Variants in LATS2 observed in about 807,000 individuals in gnomAD.
The protein encoded by LATS2 is serine/threonine-protein kinase LATS2.
In LATS2, 24 loss-of-function variants were observed where a neutral mutation model predicts 76.0. The ratio of observed to expected loss-of-function variants is 0.32; its 90% confidence interval spans 0.23 to 0.44. The LOEUF is 0.44. Ranked by LOEUF, LATS2 falls within the 20% of genes least tolerant of loss-of-function variation. LATS2 has a pLI of 1.00. For missense variants in LATS2, 1,286 were observed against 1,481.2 expected (o/e 0.87, Z 2.16); for synonymous variants, 692 against 635.4 (o/e 1.09, Z -1.34).
At position 20,993,689 on chromosome 13, in the gene LATS2, A is replaced by G. The variant is rs187925695; in HGVS notation, c.343-2285T>C. Among the ~76,000 whole-genome samples, 165 of 152,270 alleles carry G rather than the reference A, an allele frequency of 1.1e-3. 1 individual carries two copies. Among genetic ancestry groups the G allele is most frequent in the Middle Eastern group, 6.8e-3 (2 of 294 alleles). On this transcript the variant is annotated intron_variant, in intron 2 of 7. Transcript: ENST00000382592. ...TTTACAACCTGGAAGAGTTGCAGAG[A>G]GAAGGCAGCGGTGGTTCAGAAGGGA...
At chr13:21,017,371 T>C (rs942444944) in intron 2 of LATS2, among the ~76,000 whole-genome samples, 9 of 152,086 alleles carry the variant, frequency 5.9e-5, no homozygotes, top group Admixed American at 1.3e-4. Context: ...AATGGGGTCT[T>C]GCTATGTTAC....
chr13:21,002,586 C>T (rs1871100338), intron 2 of LATS2, among the ~76,000 whole-genome samples: 2 of 152,164 alleles, frequency 1.3e-5, no homozygotes, highest in South Asian at 4.2e-4. Context: ...CCATGTTGCC[C>T]AGGATGGTCT....
intron 2 of LATS2, among the ~76,000 whole-genome samples, chr13:21,015,991 G>A (rs1408687197): frequency 1.4e-5 from 2 of 139,986 alleles, no homozygotes; most frequent in South Asian, 2.3e-4. Context: ...GAACCACCAC[G>A]CTTGGCCTAT....
intron 1 of LATS2, among the ~76,000 whole-genome samples, chr13:21,055,831 T>A (rs1391486760): frequency 6.6e-6 from 1 of 152,230 alleles, no homozygotes; most frequent in African/African-American, 2.4e-5. Context: ...AAGCTGAAAC[T>A]AAATCAGGCA....
chr13:21,013,696 C>T lies in LATS2; in HGVS notation c.343-22292G>A, dbSNP rs374636710. On this transcript the variant is annotated intron_variant, in intron 2 of 7. Transcript: ENST00000382592. ...AAAATAAAATAAGGGCCAGGTGCAGCGGCTCGAGCCTGCAATCCCAGCACT... is the reference window on the plus strand; with the variant it reads ...AAAATAAAATAAGGGCCAGGTGCAGTGGCTCGAGCCTGCAATCCCAGCACT... Among the ~76,000 whole-genome samples the T allele has an allele frequency of 5.3e-5, 8 of 152,122 alleles. No homozygotes were observed. In the East Asian group the frequency reaches 7.7e-4, roughly 15 times the overall value.
In LATS2 at chr13:20,974,357, A is replaced by T. The variant is rs1239314965; in HGVS notation, c.*513T>A. On this transcript the variant is annotated 3_prime_UTR_variant, in exon 8 of 8. Transcript: ENST00000382592. The stretch of plus-strand genomic sequence containing the variant: ...TTATATCACAATTTTGAAACATGGG[A>T]AAAAATAAAAAACAAAAACCATTGT... 3 of 227,628 alleles carry T rather than the reference A, an allele frequency of 1.3e-5. No individual in the cohort carries two copies. The highest frequency in any genetic ancestry group is 2.6e-5 in the Non-Finnish European group (3 of 114,840). The allele number at this position is 227,628 out of a possible 1,614,324, so 14.1% of individuals were successfully genotyped here. A position where few individuals can be genotyped will look rare whatever the true frequency, so the allele number is the denominator to read the frequency against.
chr13:21,058,689 C>T (rs1283131606), intron 1 of LATS2, among the ~76,000 whole-genome samples: 7 of 152,184 alleles, frequency 4.6e-5, no homozygotes, highest in African/African-American at 1.7e-4. Context: ...GCAAGACAGG[C>T]TAGCCTCTGC....
At chr13:20,996,818 C>A (rs1870774036) in intron 2 of LATS2, among the ~76,000 whole-genome samples, 1 of 152,208 alleles carries the variant, frequency 6.6e-6, no homozygotes, top group Non-Finnish European at 1.5e-5. Context: ...AAATAAGAGT[C>A]TGACGGGCTC....
At chr13:21,044,293 A>G (rs1360380696) in intron 2 of LATS2, among the ~76,000 whole-genome samples, 6 of 152,226 alleles carry the variant, frequency 3.9e-5, no homozygotes, top group Admixed American at 3.3e-4. Flanking sequence ...GAGGATTGAG[A>G]GTGGTTTTGG....
Position 20,987,338 on chromosome 13 carries a change from ATC to A in LATS2, c.1899+541_1899+542del, listed in dbSNP as rs202048651. 9.9e-3 allele frequency among the ~76,000 whole-genome samples: 1,516 copies of A among 152,366 alleles called. 30 individuals carry two copies. Among genetic ancestry groups the A allele is most frequent in the African/African-American group, 0.035 (1,450 of 41,594 alleles). On this transcript the variant is annotated intron_variant, in intron 4 of 7. Transcript: ENST00000382592. ...GAATTATTGGCTTTGTGTGATTTAA[ATC>A]TGTTACATTTTAATTTAAATAGTTT...
rs1870376332 is a variant in LATS2 at position 20,989,066 on chromosome 13, G to A, written c.714C>T (p.Ser238=). 7 of 1,586,566 alleles carry A rather than the reference G, an allele frequency of 4.4e-6. No individual in the cohort carries two copies. In the East Asian group the frequency reaches 1.6e-4, roughly 36 times the overall value. ...GGAAGTGTGCCCCTGCTGCCTCTAC[G>A]CTGGCACCGTAGCCCTTGGGTGGGT... is the stretch of plus-strand genomic sequence containing the variant. ...HQHPPKGYGA[S]VEAAGAHFPL... is the part of the protein sequence containing the mutation. The change falls in exon 4 of 8, where the codon AGC becomes AGT. Residue 238 remains serine (S), a synonymous_variant. Coordinates refer to ENST00000382592, the MANE Select transcript of LATS2 (RefSeq NM_014572.3).
At chr13:21,039,950 G>A (rs1049296733) in intron 2 of LATS2, among the ~76,000 whole-genome samples, 3 of 152,126 alleles carry the variant, frequency 2.0e-5, no homozygotes, top group Non-Finnish European at 4.4e-5. Context: ...GCGCATGCCT[G>A]TAATCCCAGC....
intron 2 of LATS2, among the ~76,000 whole-genome samples, chr13:21,044,144 T>C (rs1872981746): frequency 6.6e-6 from 1 of 152,190 alleles, no homozygotes; most frequent in Non-Finnish European, 1.5e-5. Context: ...GACATAACAA[T>C]CCTCACTATA....
intron 2 of LATS2, among the ~76,000 whole-genome samples, chr13:21,029,697 A>C (rs1872445556): frequency 6.6e-6 from 1 of 152,184 alleles, no homozygotes; most frequent in Non-Finnish European, 1.5e-5. Context: ...AAGCTGAGGC[A>C]GGAGAATCAC....
At chr13:21,005,081 C>A (rs1871213687) in intron 2 of LATS2, 1 of 152,164 alleles carries the variant, frequency 6.6e-6, no homozygotes, top group African/African-American at 2.4e-5. Context: ...TAGGAAAAAT[C>A]TGGGAACCAT....
At chr13:20,978,923 G>C (rs1869747928) in intron 7 of LATS2, among the ~76,000 whole-genome samples, 1 of 152,052 alleles carries the variant, frequency 6.6e-6, no homozygotes. Flanking sequence ...CACCATGATG[G>C]ACTAATATTT....
chr13:21,024,370 A>T lies in LATS2; in HGVS notation c.342+21315T>A, dbSNP rs557953841. Reference sequence around the variant, plus strand: ...AGAATTGTTTGAACCTGGGAGGCGGAGGTTGCAGTGAGCCGAGATCGCGCC... The same window carrying T: ...AGAATTGTTTGAACCTGGGAGGCGGTGGTTGCAGTGAGCCGAGATCGCGCC... On this transcript the variant is annotated intron_variant, in intron 2 of 7. Transcript: ENST00000382592. Among the ~76,000 whole-genome samples the T allele has an allele frequency of 4.6e-5, 7 of 152,234 alleles. No homozygotes were observed. The East Asian group carries it at 1.4e-3, about 29-fold the overall frequency.
chr13:21,057,730 G>A (rs1873493811), intron 1 of LATS2, among the ~76,000 whole-genome samples: 2 of 152,154 alleles, frequency 1.3e-5, no homozygotes, highest in Admixed American at 1.3e-4. Context: ...AACCCAGGAG[G>A]AGGAGCTTGC....
At chr13:21,013,919 T>A (rs1285572565) in intron 2 of LATS2, among the ~76,000 whole-genome samples, 2 of 151,802 alleles carry the variant, frequency 1.3e-5, no homozygotes, top group African/African-American at 4.8e-5. Context: ...TGCAGTGAGC[T>A]ATGATTGCAC....
Sources: gnomAD v4.1 joint callset for allele counts (sites outside exome capture counted in the v4.1 genomes callset) on GRCh38, gnomAD v4.1.1 for gene constraint, MANE v1.5 for transcripts, NCBI Gene and HGNC (gene_info 2026-07-23, HGNC 2026-07-21) for gene names.